DACH2: variants seen among roughly 807,000 people sequenced by gnomAD.
The protein encoded by DACH2 is dachshund family transcription factor 2.
Under a neutral mutation model 35.8 loss-of-function variants are expected in DACH2, and 17 were observed. That is an observed-to-expected ratio of 0.48 (90% CI 0.33 to 0.71). The LOEUF is 0.71. Among genes scored for constraint, DACH2 ranks in the 30% least tolerant of loss-of-function variants. The pLI is 0.02. For synonymous variants in DACH2, 195 were observed against 177.3 expected (o/e 1.10, Z -0.79); for missense variants, 469 against 472.7 (o/e 0.99, Z 0.07).
chrX:86,450,051 T>A (rs1468072248), intron 2 of DACH2, among the ~76,000 whole-genome samples: 3 of 111,548 alleles, frequency 2.7e-5, no homozygotes, highest in African/African-American at 9.8e-5. Flanking sequence ...AGTATCTACC[T>A]TTTATGTCTT....
chrX:86,594,364 T>A (rs1485179107), intron 3 of DACH2, among the ~76,000 whole-genome samples: 1 of 111,552 alleles, frequency 9.0e-6, no homozygotes. Context: ...TTACTATTAC[T>A]TTTTTCTGCT....
At chrX:86,307,456 G>A (rs928855613) in intron 1 of DACH2, among the ~76,000 whole-genome samples, 6 of 111,498 alleles carry the variant, frequency 5.4e-5, no homozygotes, top group African/African-American at 1.3e-4. Flanking sequence ...ATGAAGCTGG[G>A]GACACTGTGT....
intron 4 of DACH2, among the ~76,000 whole-genome samples, chrX:86,668,816 T>C (rs183075116): frequency 8.9e-6 from 1 of 111,807 alleles, no homozygotes; most frequent in African/African-American, 3.2e-5. Flanking sequence ...CACCTTGTTT[T>C]TAATTTTAGG....
Position 86,699,561 on chromosome X carries a change from T to C in DACH2, c.931+4382T>C, listed in dbSNP as rs183937668. Among the ~76,000 whole-genome samples the C allele has an allele frequency of 2.8e-4, 31 of 111,625 alleles. 1 individual carries two copies. In the Admixed American group the frequency reaches 2.9e-3, roughly 10 times the overall value. Reference sequence around the variant, plus strand: ...GTATGGGAGAAACCACTCCCATGATTCAATTATCTCCCACTGGGTCCCTCC... The same window carrying C: ...GTATGGGAGAAACCACTCCCATGATCCAATTATCTCCCACTGGGTCCCTCC... On this transcript the variant is annotated intron_variant, in intron 5 of 11. Transcript: ENST00000373125.
intron 3 of DACH2, among the ~76,000 whole-genome samples, chrX:86,625,979 T>C (rs1340600628): frequency 9.0e-6 from 1 of 111,305 alleles, no homozygotes; most frequent in Non-Finnish European, 1.9e-5. Flanking sequence ...CACATTTCAA[T>C]ACCAATTATG....
chrX:86,730,506 C>A (rs1295932255), intron 6 of DACH2, among the ~76,000 whole-genome samples: 2 of 111,665 alleles, frequency 1.8e-5, no homozygotes, highest in Non-Finnish European at 3.8e-5. Context: ...TGCTGGCAGG[C>A]TAATTTGTTA....
chrX:86,546,610 G>T (rs2038978455), intron 3 of DACH2, among the ~76,000 whole-genome samples: 1 of 101,578 alleles, frequency 9.8e-6, no homozygotes, highest in African/African-American at 3.8e-5. Flanking sequence ...TGCGTCCCGG[G>T]TCCAAGCGAT....
chrX:86,316,678 G>A (rs758586367), intron 1 of DACH2, among the ~76,000 whole-genome samples: 2 of 111,352 alleles, frequency 1.8e-5, no homozygotes, highest in South Asian at 7.6e-4. Flanking sequence ...GTTGTGTGGG[G>A]AACAGCAGCT....
chrX:86,827,863 A>G, intron 11 of DACH2: 1 of 1,002,543 alleles, frequency 1.0e-6, no homozygotes, highest in Non-Finnish European at 1.4e-6. Context: ...TTTAGAATTC[A>G]TACTCAAATC....
chrX:86,414,708 A>G (rs962787373), intron 2 of DACH2, among the ~76,000 whole-genome samples: 9 of 111,598 alleles, frequency 8.1e-5, no homozygotes, highest in Non-Finnish European at 1.5e-4. Flanking sequence ...ACCAAGCGAG[A>G]TCAGGCATTT....
intron 6 of DACH2, among the ~76,000 whole-genome samples, chrX:86,725,151 T>C (rs1035947328): frequency 9.0e-6 from 1 of 111,361 alleles, no homozygotes; most frequent in African/African-American, 3.3e-5. Context: ...TTCTCTAAAA[T>C]TAACATTTTG....
intron 1 of DACH2, among the ~76,000 whole-genome samples, chrX:86,344,989 A>G (rs1424594954): frequency 8.9e-6 from 1 of 112,271 alleles, no homozygotes; most frequent in Non-Finnish European, 1.9e-5. Context: ...AGTAGTTATG[A>G]TTAGGAATTC....
At chrX:86,750,206 G>T (rs1241517462) in intron 7 of DACH2, among the ~76,000 whole-genome samples, 1 of 111,029 alleles carries the variant, frequency 9.0e-6, no homozygotes, top group Non-Finnish European at 1.9e-5. Context: ...TTTTACCATT[G>T]AATATTATGT....
At chrX:86,689,900 T>A (rs2040990743) in intron 4 of DACH2, among the ~76,000 whole-genome samples, 1 of 111,714 alleles carries the variant, frequency 9.0e-6, no homozygotes, top group African/African-American at 3.2e-5. Context: ...TCCTCTAAAA[T>A]AATAAAAGTT....
At chrX:86,767,284 G>A (rs983769016) in intron 7 of DACH2, among the ~76,000 whole-genome samples, 1 of 111,739 alleles carries the variant, frequency 8.9e-6, no homozygotes, top group Admixed American at 9.5e-5. Context: ...CTCTGAAGCA[G>A]TATTTGTTTC....
chrX:86,280,195 G>A (rs1295153985), intron 1 of DACH2, among the ~76,000 whole-genome samples: 1 of 111,586 alleles, frequency 9.0e-6, no homozygotes, highest in Non-Finnish European at 1.9e-5. Flanking sequence ...GTTAAGGGCA[G>A]CCAGAGAGAA....
At chrX:86,628,377 G>A (rs1424579819) in intron 3 of DACH2, among the ~76,000 whole-genome samples, 1 of 111,907 alleles carries the variant, frequency 8.9e-6, no homozygotes, top group Non-Finnish European at 1.9e-5. Flanking sequence ...AAGTGACTCA[G>A]ATAGGCATAC....
intron 1 of DACH2, among the ~76,000 whole-genome samples, chrX:86,349,359 C>G (rs1249511262): frequency 1.8e-5 from 2 of 111,973 alleles, no homozygotes; most frequent in African/African-American, 6.5e-5. Context: ...GTGTGTTCCT[C>G]TCTACATCCA....
intron 7 of DACH2, among the ~76,000 whole-genome samples, chrX:86,765,613 A>G (rs2041923551): frequency 9.5e-6 from 1 of 105,080 alleles, no homozygotes; most frequent in Non-Finnish European, 1.9e-5. Flanking sequence ...TGCCAATACC[A>G]TGGTGTTTTG....
Sources: allele counts gnomAD v4.1 joint callset (sites outside exome capture counted in the v4.1 genomes callset), GRCh38; gene constraint gnomAD v4.1.1; transcripts MANE v1.5; gene names NCBI Gene and HGNC (gene_info 2026-07-23, HGNC 2026-07-21).